RYR1: variants seen among roughly 807,000 people sequenced by gnomAD.
RYR1 encodes the protein ryanodine receptor 1, also known as central core disease of muscle.
Under a neutral mutation model 583.5 loss-of-function variants are expected in RYR1, and 342 were observed. That is an observed-to-expected ratio of 0.59 (90% CI 0.54 to 0.64). RYR1 has a LOEUF of 0.64. Ranked by LOEUF, RYR1 falls within the 30% of genes least tolerant of loss-of-function variation. The pLI is 0.00. For missense variants in RYR1, 6,032 were observed against 6,917.2 expected, an observed-to-expected ratio of 0.87 and a Z score of 4.54; for synonymous variants, 2,791 against 2,822.5, an observed-to-expected ratio of 0.99 and a Z score of 0.35.
At chr19:38,556,202 G>A (rs1473640702) in intron 89 of RYR1, among the ~76,000 whole-genome samples, 1 of 151,884 alleles carries the variant, frequency 6.6e-6, no homozygotes, top group African/African-American at 2.4e-5. Context: ...GTAAAAAGAG[G>A]ACCGGCATGG....
In RYR1 at chr19:38,500,699, C is replaced by A. The variant is rs1970070389; in HGVS notation, c.7417C>A (p.Pro2473Thr). Residue 2473 changes from proline (P) to threonine (T), a missense_variant, in exon 46 of 106, where the codon CCA becomes ACA. By Grantham distance (38) the Pro-to-Thr change is conservative. Around this residue, in one of 11 missense-constraint regions of RYR1, gnomAD observed 2,627 missense variants for 2,961.3 expected, o/e 0.89. Coordinates refer to ENST00000359596, the MANE Select transcript of RYR1 (RefSeq NM_000540.3). This position sits in a 1 kb window ranked among gnomAD's most constrained non-coding sequence, Gnocchi z 5.9. ...GGACCTTGTGGGCATCATCAGCCTC[C>A]CACTGCAGATTCCCACCCTGGGCAA... ...LEDLVGIISL[P>T]LQIPTLGKDG... 6.2e-7 allele frequency: 1 copy of A among 1,614,032 alleles called. No individual in the cohort carries two copies. Among genetic ancestry groups the A allele is most frequent in the Non-Finnish European group, 8.5e-7 (1 of 1,180,036 alleles).
chr19:38,584,913 A>G lies in RYR1; in HGVS notation c.14647-30A>G, dbSNP rs750802431. 7.4e-6 allele frequency: 12 copies of G among 1,613,020 alleles called. No individual in the cohort carries two copies. The East Asian group carries it at 2.2e-4, about 30-fold the overall frequency. On this transcript the variant is annotated intron_variant, in intron 101 of 105. Coordinates refer to ENST00000359596, the MANE Select transcript of RYR1 (RefSeq NM_000540.3). The stretch of plus-strand genomic sequence containing the variant: ...CTGGTACTCAGTGAATGTCGAATGA[A>G]TGAGTGACCAGTGTGCTCCCCTCCC...
chr19:38,570,418 C>G (rs1309962673), intron 93 of RYR1, among the ~76,000 whole-genome samples, 189 bp from the exon 94 acceptor site: 1 of 152,026 alleles, frequency 6.6e-6, no homozygotes, highest in Non-Finnish European at 1.5e-5. Flanking sequence ...CACCACTGCA[C>G]TCCAGCCTGG....
At chr19:38,488,903 T>C (rs1415363443) in intron 34 of RYR1, among the ~76,000 whole-genome samples, 3 of 152,178 alleles carry the variant, frequency 2.0e-5, no homozygotes, top group Non-Finnish European at 4.4e-5. Flanking sequence ...TGCTTAGGCT[T>C]GGGAGAAAGG....
At chr19:38,435,701 A>G (rs915025346) in intron 1 of RYR1, among the ~76,000 whole-genome samples, 3 of 151,984 alleles carry the variant, frequency 2.0e-5, no homozygotes, top group Non-Finnish European at 4.4e-5. Flanking sequence ...GCGCCACTGC[A>G]CACTCCAGCC....
At chr19:38,530,906 G>A (rs1054407225) in intron 76 of RYR1, among the ~76,000 whole-genome samples, 1 of 151,672 alleles carries the variant, frequency 6.6e-6, no homozygotes, top group African/African-American at 2.4e-5. Flanking sequence ...GGGTTCAAGC[G>A]ATTCTCCTGC....
intron 89 of RYR1, among the ~76,000 whole-genome samples, chr19:38,560,500 G>T (rs571219889): frequency 6.6e-6 from 1 of 152,046 alleles, no homozygotes; most frequent in African/African-American, 2.4e-5. Context: ...AGGCCGAGGC[G>T]GGTGGATCAC....
chr19:38,518,636 G>A (rs1600895337), intron 66 of RYR1, among the ~76,000 whole-genome samples: 1 of 150,874 alleles, frequency 6.6e-6, no homozygotes, highest in Non-Finnish European at 1.5e-5. Context: ...CTAGTTAAGG[G>A]TGAGGTAACA....
intron 90 of RYR1, among the ~76,000 whole-genome samples, chr19:38,562,700 C>T (rs1359840292): frequency 6.6e-6 from 1 of 152,124 alleles, no homozygotes; most frequent in Non-Finnish European, 1.5e-5. Context: ...ACTGCAGGCC[C>T]CTCTCACACT....
chr19:38,470,342 G>A (rs761753635), intron 27 of RYR1, among the ~76,000 whole-genome samples: 2 of 151,638 alleles, frequency 1.3e-5, no homozygotes, highest in Non-Finnish European at 2.9e-5. Context: ...GCAAACTGAG[G>A]CAGGAGGATC....
chr19:38,585,189 A>G lies in RYR1; in HGVS notation c.14803+90A>G, dbSNP rs1974418090. 3 of 1,464,360 alleles carry G rather than the reference A, an allele frequency of 2.0e-6. No homozygotes were observed. In the Admixed American group the frequency reaches 5.8e-5, roughly 28 times the overall value. The allele number at this position is 1,464,360 out of a possible 1,614,324, so 90.7% of individuals were successfully genotyped here. A position where few individuals can be genotyped will look rare whatever the true frequency, so the allele number is the denominator to read the frequency against. On this transcript the variant is annotated intron_variant, in intron 102 of 105. Coordinates refer to ENST00000359596, the MANE Select transcript of RYR1 (RefSeq NM_000540.3). The stretch of plus-strand genomic sequence containing the variant: ...CCCAGGATCCAGTCGGCCTGCATTC[A>G]TACCCCATCTCTACCTCTCGCTACT...
chr19:38,466,577 C>T (rs1336568936), intron 24 of RYR1, among the ~76,000 whole-genome samples, 179 bp downstream of exon 24: 1 of 151,072 alleles, frequency 6.6e-6, no homozygotes, highest in East Asian at 1.9e-4. Context: ...TCTCTGCTCA[C>T]TGCAAGCTCC....
At chr19:38,569,268 A>G (rs986069669) in intron 93 of RYR1, among the ~76,000 whole-genome samples, 3 of 152,060 alleles carry the variant, frequency 2.0e-5, no homozygotes, top group East Asian at 3.9e-4. Context: ...TGGCCTCCCA[A>G]AGTGCTGGGA....
intron 28 of RYR1, among the ~76,000 whole-genome samples, chr19:38,474,766 G>T (rs943652170): frequency 1.3e-5 from 2 of 150,992 alleles, no homozygotes; most frequent in African/African-American, 4.9e-5. Flanking sequence ...GTAGAGACAG[G>T]GTTTCACCAT....
At position 38,567,766 on chromosome 19, in the gene RYR1, C is replaced by A; in HGVS notation, c.13515-7C>A. The A allele has an allele frequency of 6.2e-7, 1 of 1,614,154 alleles. No individual in the cohort carries two copies. The highest frequency in any genetic ancestry group is 1.3e-5 in the African/African-American group (1 of 75,042). ...ACCTCCTGACCTCTCTCTGTCCTGC[C>A]CTGCAGTGCCGAGAATGGGGAGAAG... On this transcript the variant is annotated splice_polypyrimidine_tract_variant and splice_region_variant and intron_variant, in intron 92 of 105. Coordinates refer to ENST00000359596, the MANE Select transcript of RYR1 (RefSeq NM_000540.3).
intron 91 of RYR1, among the ~76,000 whole-genome samples, chr19:38,566,272 A>G (rs1317327861): frequency 6.6e-6 from 1 of 151,700 alleles, no homozygotes; most frequent in Non-Finnish European, 1.5e-5. Flanking sequence ...ACCGTGGTGG[A>G]ACCCCGTCTC....
chr19:38,543,948 C>T lies in RYR1; in HGVS notation c.12012+73C>T. The T allele has an allele frequency of 4.1e-6, 6 of 1,459,388 alleles. No homozygotes were observed. In the South Asian group the frequency reaches 5.9e-5, roughly 14 times the overall value. 90.4% of individuals were successfully genotyped at this position (1,459,388 alleles called of 1,614,324 possible). A position where few individuals can be genotyped will look rare whatever the true frequency, so the allele number is the denominator to read the frequency against. On this transcript the variant is annotated intron_variant, in intron 87 of 105. Transcript: ENST00000359596. The surrounding 1 kb of genome is among the most constrained non-coding windows in gnomAD (Gnocchi z 4.4). The stretch of plus-strand genomic sequence containing the variant: ...AGTGGTCCATTTCCAAGTCTTGCCC[C>T]TTTGGTCAGTTTGTCACCCGAGTGC...
chr19:38,448,210 T>G (rs543486526), intron 9 of RYR1, 145 bp from the exon 10 acceptor site: 2 of 911,182 alleles, frequency 2.2e-6, no homozygotes, highest in East Asian at 4.9e-5. Flanking sequence ...GGTGGGAGGA[T>G]TGCTTGAGCC....
intron 63 of RYR1, 146 bp from the exon 64 acceptor site, chr19:38,514,880 C>A: frequency 1.5e-6 from 1 of 685,840 alleles, no homozygotes; most frequent in South Asian, 1.5e-5. Context: ...GTAACTTGCT[C>A]AAGTCACAAG....
Sources: allele counts gnomAD v4.1 joint callset (sites outside exome capture counted in the v4.1 genomes callset), GRCh38; gene constraint gnomAD v4.1.1; regional missense constraint gnomAD v4.1.1; non-coding constraint Gnocchi (gnomAD v3.1); transcripts MANE v1.5; gene names NCBI Gene and HGNC (gene_info 2026-07-23, HGNC 2026-07-21).